The following PADI2 variants were observed in gnomAD, a reference collection of about 807,000 sequenced individuals.
PADI2 encodes peptidyl arginine deiminase 2, also known as protein-arginine deiminase type-2.
PADI2 carries 70 observed loss-of-function variants against 81.1 expected under a neutral mutation model. That is an observed-to-expected ratio of 0.86 (90% CI 0.71 to 1.05). The LOEUF (loss-of-function observed/expected upper bound fraction) is 1.05. PADI2 is among the 50% of genes least tolerant of loss of function. PADI2 has a pLI of 0.00. For missense variants in PADI2, 853 were observed against 889.9 expected, an observed-to-expected ratio of 0.96 and a Z score of 0.53; for synonymous variants, 338 against 358.0, an observed-to-expected ratio of 0.94 and a Z score of 0.63.
chr1:17,089,810 C>T lies in PADI2; in HGVS notation c.655+2598G>A, dbSNP rs1293875222. On this transcript the variant is annotated intron_variant, in intron 6 of 15. Transcript: ENST00000375486. ...GCCGCTCTATTGAGTGGTCCTCGTG[C>T]CTTGGGCTGGGCCCACTGACCACCG... Among the ~76,000 whole-genome samples the T allele has an allele frequency of 2.0e-5, 3 of 152,198 alleles. No individual in the cohort carries two copies. In the East Asian group the frequency reaches 5.8e-4, roughly 29 times the overall value.
At chr1:17,087,369 C>A (rs1008001992) in intron 6 of PADI2, among the ~76,000 whole-genome samples, 7 of 152,156 alleles carry the variant, frequency 4.6e-5, no homozygotes, top group African/African-American at 1.7e-4. Context: ...TTCCTTCAGG[C>A]CTTGGTTTGT....
rs1302258194 is a variant in PADI2, at chr1:17,115,990, A to G, written c.92+3290T>C. On this transcript the variant is annotated intron_variant, in intron 1 of 15. Transcript: ENST00000375486. The surrounding 1 kb of genome is among the most constrained non-coding windows in gnomAD (Gnocchi z 4.1). ...TGGGAGAGCGTGGGTGGCCCAGAGC[A>G]CCCCTGCCCATGGTGGCCTGGATGA... Among the ~76,000 whole-genome samples the G allele has an allele frequency of 1.3e-5, 2 of 152,188 alleles. No individual in the cohort carries two copies. Among genetic ancestry groups the G allele is most frequent in the Non-Finnish European group, 2.9e-5 (2 of 68,034 alleles).
chr1:17,105,182 C>T, intron 1 of PADI2, 121 bp from the exon 2 acceptor site: 1 of 635,218 alleles, frequency 1.6e-6, no homozygotes, highest in Non-Finnish European at 2.5e-6. Flanking sequence ...CACTTGAGCC[C>T]AGGCGTTTGA....
chr1:17,102,277 G>A (rs1931169491), intron 3 of PADI2, among the ~76,000 whole-genome samples: 1 of 152,186 alleles, frequency 6.6e-6, no homozygotes, highest in Admixed American at 6.5e-5. Context: ...TCAGGGGGTG[G>A]AGTGATGGAA....
At position 17,117,172 on chromosome 1, in the gene PADI2, G is replaced by A. The variant is rs541548070; in HGVS notation, c.92+2108C>T. ...TTCTGTCCCGGTGTCACTGGCTCAC[G>A]GTGGCCAGTGAGCACCTGAGATGCA... On this transcript the variant is annotated intron_variant, in intron 1 of 15. Transcript: ENST00000375486. 2.0e-5 allele frequency among the ~76,000 whole-genome samples: 3 copies of A among 152,310 alleles called. No individual in the cohort carries two copies. In the South Asian group the frequency reaches 6.2e-4, roughly 32 times the overall value.
intron 6 of PADI2, among the ~76,000 whole-genome samples, chr1:17,089,640 T>C (rs911633688): frequency 5.3e-5 from 8 of 152,184 alleles, no homozygotes; most frequent in African/African-American, 1.7e-4. Context: ...TTTCTGACAG[T>C]TGGGGCCAGC....
In PADI2 at chr1:17,095,949, G is replaced by C; in HGVS notation, c.371C>G (p.Ala124Gly). The C allele has an allele frequency of 1.9e-6, 3 of 1,607,932 alleles. No homozygotes were observed. Among genetic ancestry groups the C allele is most frequent in the Non-Finnish European group, 2.5e-6 (3 of 1,177,176 alleles). The change falls in exon 4 of 16, where the codon GCA becomes GGA. Residue 124 changes from alanine to glycine, a missense_variant. Transcript: ENST00000375486. ...TAIEISLDVD[A>G]DRDGVVEKNN... ...CTTCTCCACCACACCATCCCGGTCTGCGTCCACATCCAGGGAGATCTCTGG... is the reference window on the plus strand; with the variant it reads ...CTTCTCCACCACACCATCCCGGTCTCCGTCCACATCCAGGGAGATCTCTGG...
chr1:17,107,712 C>T (rs1931433583), intron 1 of PADI2, among the ~76,000 whole-genome samples: 1 of 152,174 alleles, frequency 6.6e-6, no homozygotes. Context: ...GTCTGTCTGA[C>T]CTGGGCCACA....
intron 1 of PADI2, among the ~76,000 whole-genome samples, chr1:17,108,854 T>G (rs757096493): frequency 4.6e-5 from 7 of 152,230 alleles, no homozygotes; most frequent in Non-Finnish European, 1.0e-4. Context: ...AGGTTGAAGA[T>G]GGTTTTGGCC....
At chr1:17,086,776 C>T in intron 6 of PADI2, 77 bp from the exon 7 acceptor site, 1 of 1,237,734 alleles carries the variant, frequency 8.1e-7, no homozygotes, top group African/African-American at 1.5e-5. Context: ...CCGATGGGGA[C>T]AAAAGGGCAA....
Position 17,119,331 on chromosome 1 carries a change from C to A in PADI2, c.41G>T (p.Arg14Leu). 6.4e-7 allele frequency: 1 copy of A among 1,556,408 alleles called. No homozygotes were observed. Among genetic ancestry groups the A allele is most frequent in the Non-Finnish European group, 8.7e-7 (1 of 1,151,372 alleles). ...GCCCAGCACGTACACCGCCTCCACG[C>A]GGCTCCCGTACTGCAGCCGCACGGT... ...ERTVRLQYGSRVEAVYVLGTY... is the reference protein window; with the variant it reads ...ERTVRLQYGSLVEAVYVLGTY... Residue 14 changes from arginine (R) to leucine (L), a missense_variant, in exon 1 of 16, where the codon CGC (arginine) becomes CTC (leucine). Coordinates refer to ENST00000375486, the MANE Select transcript of PADI2 (RefSeq NM_007365.3). This position sits in a 1 kb window ranked among gnomAD's most constrained non-coding sequence, Gnocchi z 4.8.
chr1:17,075,561 A>C, intron 12 of PADI2, 118 bp downstream of exon 12: 1 of 944,704 alleles, frequency 1.1e-6, no homozygotes, highest in Non-Finnish European at 1.5e-6. Flanking sequence ...GCTTCAGCCT[A>C]CTTCCTCCTT....
At chr1:17,103,253 T>C (rs1022778388) in intron 2 of PADI2, among the ~76,000 whole-genome samples, 194 bp from the exon 3 acceptor site, 5 of 152,164 alleles carry the variant, frequency 3.3e-5, no homozygotes, top group Admixed American at 6.5e-5. Context: ...AACTAGACTG[T>C]GGACTCCCCT....
intron 3 of PADI2, among the ~76,000 whole-genome samples, chr1:17,101,584 T>G (rs923691531): frequency 6.6e-6 from 1 of 152,120 alleles, no homozygotes; most frequent in Non-Finnish European, 1.5e-5. Context: ...GGGCACCTCC[T>G]TGGGACAGAA....
chr1:17,104,696 G>C lies in PADI2; in HGVS notation c.276+182C>G, dbSNP rs374510312. 4.6e-5 allele frequency among the ~76,000 whole-genome samples: 7 copies of C among 152,228 alleles called. No individual in the cohort carries two copies. The South Asian group carries it at 1.5e-3, about 32-fold the overall frequency. ...GATCCACCCGCCTCGGCCTCCCAAA[G>C]TGCTGGGATTACAGGCTTGAGCTAC... On this transcript the variant is annotated intron_variant, in intron 2 of 15. Coordinates refer to ENST00000375486, the MANE Select transcript of PADI2 (RefSeq NM_007365.3).
chr1:17,089,492 G>T lies in PADI2; in HGVS notation c.656-2793C>A, dbSNP rs549167154. Among the ~76,000 whole-genome samples the T allele has an allele frequency of 2.6e-3, 395 of 152,316 alleles. 1 individual carries two copies. The highest frequency in any genetic ancestry group is 6.8e-3 in the Middle Eastern group (2 of 294). On this transcript the variant is annotated intron_variant, in intron 6 of 15. Coordinates refer to ENST00000375486, the MANE Select transcript of PADI2 (RefSeq NM_007365.3). Reference sequence around the variant, plus strand: ...AGAGCACCTGGGGGGCTCCACCAAGGTCTGGGGTAGGAACAGGGATCTGGC... The same window carrying T: ...AGAGCACCTGGGGGGCTCCACCAAGTTCTGGGGTAGGAACAGGGATCTGGC...
chr1:17,081,611 G>T (rs1352255033), intron 10 of PADI2, among the ~76,000 whole-genome samples: 2 of 152,226 alleles, frequency 1.3e-5, no homozygotes, highest in African/African-American at 4.8e-5. Context: ...CTTGGGAAAA[G>T]TCCCCTGATC....
intron 1 of PADI2, among the ~76,000 whole-genome samples, chr1:17,110,340 T>G (rs1464709710): frequency 6.6e-6 from 1 of 152,116 alleles, no homozygotes; most frequent in Non-Finnish European, 1.5e-5. Context: ...TGCCAATCAC[T>G]GTGGCCATGT....
intron 12 of PADI2, chr1:17,075,230 T>C (rs1170371056): frequency 5.0e-6 from 2 of 403,646 alleles, no homozygotes; most frequent in Non-Finnish European, 9.0e-6. Context: ...GCAGAGAATT[T>C]CCAGGGTATG....
Sources: gnomAD v4.1 joint callset for allele counts (sites outside exome capture counted in the v4.1 genomes callset) on GRCh38, gnomAD v4.1.1 for gene constraint, Gnocchi (gnomAD v3.1) non-coding constraint, MANE v1.5 for transcripts, NCBI Gene and HGNC (gene_info 2026-07-23, HGNC 2026-07-21) for gene names.